The following ZFP42 variants were observed in gnomAD, a reference collection of about 807,000 sequenced individuals.
ZFP42 encodes ZFP42 zinc finger protein.
For synonymous variants in ZFP42, 175 were observed against 144.6 expected (o/e 1.21, Z -1.51); for missense variants, 438 against 377.1 (o/e 1.16, Z -1.34).
intron 1 of ZFP42, among the ~76,000 whole-genome samples, chr4:187,996,674 G>A (rs1394008800): frequency 6.6e-6 from 1 of 152,072 alleles, no homozygotes; most frequent in African/African-American, 2.4e-5. Context: ...GCTGCAGGGC[G>A]AGGGGGTGGT....
chr4:187,997,021 A>ATGGAGCATGGAGCG (rs796890422), intron 1 of ZFP42, among the ~76,000 whole-genome samples: 2 of 55,300 alleles, frequency 3.6e-5, no homozygotes, highest in Non-Finnish European at 6.4e-5. Flanking sequence ...AGCGTGGAGC[A>ATGGAGCATGGAGCG]TGGAGCATGG....
chr4:187,996,381 G>T (rs1733564684), intron 1 of ZFP42, among the ~76,000 whole-genome samples: 1 of 152,008 alleles, frequency 6.6e-6, no homozygotes, highest in Non-Finnish European at 1.5e-5. Context: ...CGCGATCTCG[G>T]CTCACTGCAA....
chr4:187,996,523 T>G (rs1302329889), intron 1 of ZFP42, among the ~76,000 whole-genome samples: 1 of 151,904 alleles, frequency 6.6e-6, no homozygotes, highest in Admixed American at 6.6e-5. Context: ...TTGGTCAGGC[T>G]GGTCTCGAAC....
intron 1 of ZFP42, among the ~76,000 whole-genome samples, chr4:187,998,336 CAA>C (rs145899317): frequency 3.4e-5 from 5 of 145,548 alleles, no homozygotes; most frequent in African/African-American, 1.3e-4. Flanking sequence ...AACTCTGTCT[CAA>C]AAAAAAAAGT....
chr4:187,998,556 T>C (rs1028235878), intron 1 of ZFP42, among the ~76,000 whole-genome samples: 20 of 152,178 alleles, frequency 1.3e-4, no homozygotes, highest in Admixed American at 1.2e-3. Context: ...GTGAGCTCCA[T>C]TATGGGAATG....
At position 188,004,849 on chromosome 4, in the gene ZFP42, A is replaced by T. The variant is rs1460313968; in HGVS notation, c.*1109A>T. ...ATGTCATAGCCCTAGAGAATGAAAA[A>T]TTTGCAGTAGATAGTCAATAAATGA... On this transcript the variant is annotated 3_prime_UTR_variant, in exon 4 of 4. Coordinates refer to ENST00000326866, the MANE Select transcript of ZFP42 (RefSeq NM_174900.5). 1.2e-5 allele frequency: 2 copies of T among 167,246 alleles called. No homozygotes were observed. The highest frequency in any genetic ancestry group is 2.4e-5 in the African/African-American group (1 of 41,586). 10.4% of individuals were successfully genotyped at this position (167,246 alleles called of 1,614,324 possible). A position where few individuals can be genotyped will look rare whatever the true frequency, so the allele number is the denominator to read the frequency against.
intron 1 of ZFP42, among the ~76,000 whole-genome samples, chr4:187,996,270 A>C (rs7688087): frequency 0.033 from 5,025 of 152,046 alleles, 286 homozygotes; most frequent in African/African-American, 0.11. Context: ...CAATACCCCC[A>C]ACTCAAATTA....
chr4:188,002,888 C>CAGGCAAGGCAAGTCA lies in ZFP42; in HGVS notation c.84_98dup (p.Arg28_Ser32dup), dbSNP rs1553988260. ...GAAGAGCCCCCAGTGGGGCTAAGCC[C>CAGGCAAGGCAAGTCA]AGGCAAGGCAAGTCAAGCCAAGACC... is the stretch of plus-strand genomic sequence containing the variant. On this transcript the variant is annotated inframe_insertion, in exon 4 of 4. Transcript: ENST00000326866. 6.2e-7 allele frequency: 1 copy of CAGGCAAGGCAAGTCA among 1,614,046 alleles called. No homozygotes were observed. Among genetic ancestry groups the CAGGCAAGGCAAGTCA allele is most frequent in the Non-Finnish European group, 8.5e-7 (1 of 1,180,020 alleles).
At position 188,002,838 on chromosome 4, in the gene ZFP42, A is replaced by G. The variant is rs752754957; in HGVS notation, c.31A>G (p.Thr11Ala). The G allele has an allele frequency of 1.2e-6, 2 of 1,614,192 alleles. No homozygotes were observed. Among genetic ancestry groups the G allele is most frequent in the Non-Finnish European group, 1.7e-6 (2 of 1,180,020 alleles). The change falls in exon 4 of 4, where the codon ACA (threonine) becomes GCA (alanine). Residue 11 changes from threonine to alanine, a missense_variant. Thr to Ala is a moderately conservative substitution (Grantham distance 58). Transcript: ENST00000326866. ...CCAGCAACTGAAGAAACGGGCAAAG[A>G]CAAGACACCAGAAAGGCCTGGGTGG... MSQQLKKRAK[T>A]RHQKGLGGRA...
rs71595201 is a variant in ZFP42 at position 187,997,228 on chromosome 4, CTTT to C, written c.-339+1408_-339+1410del. 3.2e-3 allele frequency among the ~76,000 whole-genome samples: 192 copies of C among 60,020 alleles called. 3 individuals are homozygous for C. Among genetic ancestry groups the C allele is most frequent in the East Asian group, 0.015 (23 of 1,484 alleles). 39.4% of individuals were successfully genotyped at this position (60,020 alleles called of 152,430 possible). On this transcript the variant is annotated intron_variant, in intron 1 of 3. Coordinates refer to ENST00000326866, the MANE Select transcript of ZFP42 (RefSeq NM_174900.5). ...CCTCGGTTACTTCCCCTCTCATATTCTTTTTTTTTTTTTTTTTTTTTTGAGACA... is the reference window on the plus strand; with the variant it reads ...CCTCGGTTACTTCCCCTCTCATATTCTTTTTTTTTTTTTTTTTTTGAGACA...
intron 3 of ZFP42, among the ~76,000 whole-genome samples, 167 bp from the exon 4 acceptor site, chr4:188,002,546 A>G (rs935548092): frequency 3.6e-4 from 55 of 152,358 alleles, no homozygotes; most frequent in African/African-American, 1.2e-3. Flanking sequence ...GGACACCCAG[A>G]TAAGATCTGT....
chr4:188,003,066 G>T lies in ZFP42; in HGVS notation c.259G>T (p.Glu87Ter). The change falls in exon 4 of 4, where the codon GAA becomes TAA. Residue 87 changes from glutamate (E) to a stop codon, truncating the protein, a stop_gained. Transcript: ENST00000326866. LOFTEE classifies it low-confidence loss of function (END_TRUNC). The part of the protein sequence containing the change: ...IRGEFSQPIL[E>*]EDSLFESLEY... ...GGGTGAGTTTTCTCAACCCATCCTG[G>T]AAGAGGACTCACTTTTTGAGTCCTT... 6.2e-7 allele frequency: 1 copy of T among 1,614,172 alleles called. No homozygotes were observed. The highest frequency in any genetic ancestry group is 8.5e-7 in the Non-Finnish European group (1 of 1,180,032).
chr4:188,003,402 T>C lies in ZFP42; in HGVS notation c.595T>C (p.Leu199=), dbSNP rs778869802. The change falls in exon 4 of 4, where the codon TTG becomes CTG. Residue 199 remains leucine, a synonymous_variant. Transcript: ENST00000326866. ...TCCTCAGAGTGGATGCACTAGGAAGTTGAGGAATAGAGCTGCCCTGAGAAA... is the reference window on the plus strand; with the variant it reads ...TCCTCAGAGTGGATGCACTAGGAAGCTGAGGAATAGAGCTGCCCTGAGAAA... The part of the protein sequence containing the change: ...ACPQSGCTRK[L]RNRAALRKHL... The C allele has an allele frequency of 1.2e-6, 2 of 1,614,078 alleles. No homozygotes were observed. The highest frequency in any genetic ancestry group is 2.2e-5 in the East Asian group (1 of 44,860).
Position 187,999,640 on chromosome 4 carries a change from C to T in ZFP42, c.-141C>T, listed in dbSNP as rs1733732993. 1 of 152,260 alleles carries T rather than the reference C, an allele frequency of 6.6e-6. No individual in the cohort carries two copies. The highest frequency in any genetic ancestry group is 2.1e-4 in the South Asian group (1 of 4,836). The allele number at this position is 152,260 out of a possible 1,614,324, so 9.4% of individuals were successfully genotyped here. ...GTACTGAGGCTGGAGCCTGTGTGAACAGAACAGAAGAGGCCTTCACTCTAG... is the reference window on the plus strand; with the variant it reads ...GTACTGAGGCTGGAGCCTGTGTGAATAGAACAGAAGAGGCCTTCACTCTAG... On this transcript the variant is annotated 5_prime_UTR_variant, in exon 3 of 4. Transcript: ENST00000326866.
chr4:188,003,436 T>C lies in ZFP42; in HGVS notation c.629T>C (p.Leu210Pro), dbSNP rs1733922850. 2 of 1,614,136 alleles carry C rather than the reference T, an allele frequency of 1.2e-6. No individual in the cohort carries two copies. Among genetic ancestry groups the C allele is most frequent in the Admixed American group, 1.7e-5 (1 of 60,020 alleles). Residue 210 changes from leucine to proline, a missense_variant, in exon 4 of 4, where the codon CTC becomes CCC. Transcript: ENST00000326866. ...RNRAALRKHLLIHGPRDHVCA... is the reference protein window; with the variant it reads ...RNRAALRKHLPIHGPRDHVCA... The stretch of plus-strand genomic sequence containing the variant: ...AGAGCTGCCCTGAGAAAGCATCTCC[T>C]CATTCATGGTCCCCGAGACCACGTC...
intron 1 of ZFP42, among the ~76,000 whole-genome samples, chr4:187,998,894 AAT>A (rs367945920): frequency 1.0e-3 from 158 of 152,154 alleles, no homozygotes; most frequent in African/African-American, 3.8e-3. Context: ...TTGCCATATA[AAT>A]AGTTTTCTTT....
downstream of ZFP42, chr4:188,005,149 G>A (rs559674332): frequency 1.6e-4 from 27 of 166,378 alleles, no homozygotes; most frequent in South Asian, 3.9e-3. Context: ...ACTGATGTTC[G>A]GTATAGGTGA....
intron 3 of ZFP42, among the ~76,000 whole-genome samples, chr4:188,002,311 A>G (rs555906538): frequency 2.2e-4 from 34 of 152,312 alleles, no homozygotes; most frequent in Middle Eastern, 3.4e-3. Flanking sequence ...TCTGTTTCCT[A>G]CCAGCCCCTT....
At position 188,003,916 on chromosome 4, in the gene ZFP42, A is replaced by AT. The variant is rs201760570; in HGVS notation, c.*185dup. The AT allele has an allele frequency of 0.015, 8,011 of 550,262 alleles. 96 individuals are homozygous for AT. The highest frequency in any genetic ancestry group is 0.055 in the South Asian group (1,312 of 23,944). The allele number at this position is 550,262 out of a possible 1,614,324, so 34.1% of individuals were successfully genotyped here. A position where few individuals can be genotyped will look rare whatever the true frequency, so the allele number is the denominator to read the frequency against. On this transcript the variant is annotated 3_prime_UTR_variant, in exon 4 of 4. Transcript: ENST00000326866. ...TGATACCGTTTTAAGGACATGGTGC[A>AT]TTTTTTTTTCTTTTATTTGTTTTAT...
Sources: gnomAD v4.1 joint callset for allele counts (sites outside exome capture counted in the v4.1 genomes callset) on GRCh38, gnomAD v4.1.1 for gene constraint, MANE v1.5 for transcripts, NCBI Gene and HGNC (gene_info 2026-07-23, HGNC 2026-07-21) for gene names.